The following RANBP2 variants were observed in gnomAD, a reference collection of about 807,000 sequenced individuals.
The protein encoded by RANBP2 is RAN binding protein 2.
RANBP2 carries 57 observed loss-of-function variants against 303.6 expected under a neutral mutation model. The ratio of observed to expected loss-of-function variants is 0.19; its 90% CI spans 0.15 to 0.23. RANBP2 has a LOEUF of 0.23. RANBP2 is among the 10% of genes least tolerant of loss of function. RANBP2 has a pLI of 1.00. For synonymous variants in RANBP2, 1,167 were observed against 1,301.5 expected, an observed-to-expected ratio of 0.90 and a Z score of 2.23; for missense variants, 3,138 against 3,780.8, an observed-to-expected ratio of 0.83 and a Z score of 4.46.
chr2:108,755,521 C>T (rs1476149859), intron 17 of RANBP2, among the ~76,000 whole-genome samples: 1 of 151,934 alleles, frequency 6.6e-6, no homozygotes. Context: ...TGCCACGAAG[C>T]CAGGACTACA....
At chr2:109,699,128 G>A in the RANBP2 span, among the ~76,000 whole-genome samples, 1 of 152,140 alleles carries the variant, frequency 6.6e-6, no homozygotes, top group Non-Finnish European at 1.5e-5. Context: ...TGTGGGTTCT[G>A]GCAGTCTTGT....
chr2:109,169,699 T>C, the RANBP2 span, among the ~76,000 whole-genome samples: 1 of 151,918 alleles, frequency 6.6e-6, no homozygotes, highest in East Asian at 1.9e-4. Context: ...GCTATATCTC[T>C]CTCTCTATAT....
the RANBP2 span, among the ~76,000 whole-genome samples, chr2:109,652,860 T>C: frequency 9.2e-5 from 14 of 152,318 alleles, no homozygotes; most frequent in African/African-American, 3.1e-4. Flanking sequence ...ATATATTTAG[T>C]GTTCAATAAG....
chr2:109,690,705 G>A, the RANBP2 span, among the ~76,000 whole-genome samples: 1 of 151,264 alleles, frequency 6.6e-6, no homozygotes, highest in African/African-American at 2.4e-5. Context: ...CCTTCCAGAC[G>A]TTCACCATCA....
At chr2:109,487,474 C>T in the RANBP2 span, among the ~76,000 whole-genome samples, 13 of 152,208 alleles carry the variant, frequency 8.5e-5, no homozygotes, top group Non-Finnish European at 1.8e-4. Context: ...TCCTGGAAGG[C>T]GGACGTTTTG....
chr2:109,707,116 T>A, the RANBP2 span, among the ~76,000 whole-genome samples: 2 of 152,354 alleles, frequency 1.3e-5, no homozygotes, highest in South Asian at 2.1e-4. Flanking sequence ...ATTACTTTTT[T>A]GATAAAATAA....
At chr2:109,064,134 T>G in the RANBP2 span, among the ~76,000 whole-genome samples, 1 of 152,284 alleles carries the variant, frequency 6.6e-6, no homozygotes, top group Non-Finnish European at 1.5e-5. Context: ...TATGTACTAA[T>G]GTTATTCCCA....
chr2:109,612,547 G>A, the RANBP2 span, among the ~76,000 whole-genome samples: 1 of 152,280 alleles, frequency 6.6e-6, no homozygotes, highest in East Asian at 1.9e-4. Context: ...AGTTTAATTC[G>A]AAAATAAGTA....
At chr2:109,081,098 G>A in the RANBP2 span, among the ~76,000 whole-genome samples, 3 of 152,224 alleles carry the variant, frequency 2.0e-5, no homozygotes, top group African/African-American at 4.8e-5. Flanking sequence ...ACTGGACTTC[G>A]AAGACTAAAC....
the RANBP2 span, among the ~76,000 whole-genome samples, chr2:109,109,624 T>C: frequency 6.6e-6 from 1 of 152,212 alleles, no homozygotes; most frequent in Non-Finnish European, 1.5e-5. Flanking sequence ...TAAAAATATG[T>C]TTTCTATTTA....
chr2:109,374,399 C>G, the RANBP2 span, among the ~76,000 whole-genome samples: 2 of 152,220 alleles, frequency 1.3e-5, no homozygotes, highest in African/African-American at 4.8e-5. Flanking sequence ...TGGGACTTTT[C>G]ATTCTTTATG....
chr2:109,076,172 A>G, the RANBP2 span, among the ~76,000 whole-genome samples: 1 of 150,718 alleles, frequency 6.6e-6, no homozygotes, highest in African/African-American at 2.4e-5. Flanking sequence ...CCACATTAAC[A>G]GAATGAAAGA....
chr2:109,419,707 C>A, the RANBP2 span: 1 of 1,465,858 alleles, frequency 6.8e-7, no homozygotes, highest in East Asian at 2.5e-5. Context: ...CTGGGCTGAC[C>A]TGTCCACGTG....
At chr2:109,103,747 G>A in the RANBP2 span, among the ~76,000 whole-genome samples, 2 of 152,140 alleles carry the variant, frequency 1.3e-5, no homozygotes, top group South Asian at 4.1e-4. Flanking sequence ...CGAGGGCCTG[G>A]AAGGGGAAAG....
At chr2:109,188,202 C>A in the RANBP2 span, among the ~76,000 whole-genome samples, 1 of 152,240 alleles carries the variant, frequency 6.6e-6, no homozygotes, top group Non-Finnish European at 1.5e-5. Context: ...GCCCGAAGGG[C>A]TTTCCTGCTG....
rs748872597 is a variant in RANBP2 at position 108,772,513 on chromosome 2, A to G, written c.8045A>G (p.Lys2682Arg). The change falls in exon 22 of 29, where the codon AAG (lysine) becomes AGG (arginine). Residue 2682 changes from lysine (K) to arginine (R), a missense_variant. Around this residue, in one of 20 missense-constraint regions of RANBP2, gnomAD observed 497 missense variants for 465.8 expected, o/e 1.07. Coordinates refer to ENST00000283195, the MANE Select transcript of RANBP2 (RefSeq NM_006267.5). ...EDDEDFETAV[K>R]KLNGKLYLDG... ...GATGAAGATTTCGAAACAGCTGTCA[A>G]GAAACTTAATGGAAAACTATATTTG... 1.9e-6 allele frequency: 3 copies of G among 1,613,718 alleles called. No individual in the cohort carries two copies. The highest frequency in any genetic ancestry group is 2.2e-5 in the South Asian group (2 of 91,036).
At chr2:108,793,685 C>T in the RANBP2 span, among the ~76,000 whole-genome samples, 1 of 151,796 alleles carries the variant, frequency 6.6e-6, no homozygotes, top group African/African-American at 2.4e-5. Context: ...TAAGCTCCGC[C>T]TCCCGGATTC....
the RANBP2 span, among the ~76,000 whole-genome samples, chr2:109,474,560 T>G: frequency 8.5e-5 from 13 of 152,152 alleles, no homozygotes; most frequent in Non-Finnish European, 1.8e-4. Context: ...CGCACGGGGC[T>G]TATAGCCATG....
At chr2:108,923,311 G>T in the RANBP2 span, 1 of 1,538,484 alleles carries the variant, frequency 6.5e-7, no homozygotes, top group Non-Finnish European at 9.0e-7. Context: ...ACCCTCTGTA[G>T]TGAAAGGGAT....
Sources: allele counts gnomAD v4.1 joint callset (sites outside exome capture counted in the v4.1 genomes callset), GRCh38; gene constraint gnomAD v4.1.1; regional missense constraint gnomAD v4.1.1; transcripts MANE v1.5; gene names NCBI Gene and HGNC (gene_info 2026-07-23, HGNC 2026-07-21).